HSPG2: variants seen among roughly 807,000 people sequenced by gnomAD.
The protein encoded by HSPG2 is heparan sulfate proteoglycan 2.
Under a neutral mutation model 526.6 loss-of-function variants are expected in HSPG2, and 278 were observed. The observed-to-expected ratio is 0.53, with a 90% CI of 0.48 to 0.58. The LOEUF (loss-of-function observed/expected upper bound fraction) is 0.58, where lower values mean the gene tolerates loss of function less well. Ranked by LOEUF, HSPG2 falls within the 20% of genes least tolerant of loss-of-function variation. The probability of loss-of-function intolerance (pLI) is 0.00; values close to 1 mark genes in which losing one functional copy is unlikely to be tolerated. For missense variants in HSPG2, 5,354 were observed against 6,099.5 expected (o/e 0.88, Z 4.07); for synonymous variants, 2,465 against 2,555.4 (o/e 0.96, Z 1.07).
rs1440810026 is a variant in HSPG2 at position 21,847,285 on chromosome 1, C to T, written c.8164+69G>A. Reference sequence around the variant, plus strand: ...GTACCACCAGGTCTGAGGACTCTGACCTGAAAGTTCCTTCTCCCCAGGGAA... The same window carrying T: ...GTACCACCAGGTCTGAGGACTCTGATCTGAAAGTTCCTTCTCCCCAGGGAA... On this transcript the variant is annotated intron_variant, in intron 62 of 96. Transcript: ENST00000374695. This position sits in a 1 kb window ranked among gnomAD's most constrained non-coding sequence, Gnocchi z 4.1. The T allele has an allele frequency of 2.6e-5, 42 of 1,589,450 alleles. No individual in the cohort carries two copies. Among genetic ancestry groups the T allele is most frequent in the Non-Finnish European group, 3.6e-5 (42 of 1,159,598 alleles).
chr1:21,878,076 T>C (rs553661807), intron 21 of HSPG2, 110 bp downstream of exon 21: 3 of 1,003,862 alleles, frequency 3.0e-6, no homozygotes, highest in Admixed American at 4.2e-5. Context: ...CTGACTGGGT[T>C]ACCACCCACT....
In HSPG2 at chr1:21,874,606, C is replaced by T. The variant is rs367678569; in HGVS notation, c.3528+10G>A. 1.9e-5 allele frequency: 31 copies of T among 1,613,490 alleles called. No homozygotes were observed. In the Middle Eastern group the frequency reaches 4.9e-4, roughly 26 times the overall value. On this transcript the variant is annotated intron_variant, in intron 27 of 96. Coordinates refer to ENST00000374695, the MANE Select transcript of HSPG2 (RefSeq NM_005529.7). ...ATTGCTGGGGTGGGCGGAAGGAGGGCGGGACTTACCTGGCAGGCACCTGTT... is the reference window on the plus strand; with the variant it reads ...ATTGCTGGGGTGGGCGGAAGGAGGGTGGGACTTACCTGGCAGGCACCTGTT...
chr1:21,914,225 G>A (rs1445730104), intron 1 of HSPG2, among the ~76,000 whole-genome samples: 1 of 152,198 alleles, frequency 6.6e-6, no homozygotes, highest in African/African-American at 2.4e-5. Flanking sequence ...CAAATGGTGA[G>A]AGTGCTGAAA....
In HSPG2 at chr1:21,872,366, G is replaced by A. The variant is rs796608458; in HGVS notation, c.4041C>T (p.His1347=). 8 of 1,572,878 alleles carry A rather than the reference G, an allele frequency of 5.1e-6. No individual in the cohort carries two copies. In the African/African-American group the frequency reaches 9.5e-5, roughly 19 times the overall value. Residue 1347 remains histidine (H), a synonymous_variant, in exon 33 of 97, where the codon CAC becomes CAT. Coordinates refer to ENST00000374695, the MANE Select transcript of HSPG2 (RefSeq NM_005529.7). This position sits in a 1 kb window ranked among gnomAD's most constrained non-coding sequence, Gnocchi z 5.5. The part of the protein sequence containing the change: ...SAYTRHLIST[H]FAPGDFQGFA... ...AGCCTTGGAAGTCCCCAGGGGCAAA[G>A]TGGGTGGAGATCTGGCAGGGGAAAA... is the stretch of plus-strand genomic sequence containing the variant.
chr1:21,890,644 G>A lies in HSPG2; in HGVS notation c.295C>T (p.Gln99Ter). Reference sequence around the variant, plus strand: ...TCTCTGGAGCCTGCATCCTCCAGCTGAGGGCTGTACTCGATGGAGCGAGTG... The same window carrying A: ...TCTCTGGAGCCTGCATCCTCCAGCTAAGGGCTGTACTCGATGGAGCGAGTG... ...NFTRSIEYSP[Q>*]LEDAGSREFR... Residue 99 changes from glutamine to a stop codon, truncating the protein, a stop_gained, in exon 4 of 97, where the codon CAG (glutamine) becomes TAG (stop). Transcript: ENST00000374695. LOFTEE classifies it high-confidence loss of function. The surrounding 1 kb of genome is among the most constrained non-coding windows in gnomAD (Gnocchi z 4.1). 6.2e-7 allele frequency: 1 copy of A among 1,614,090 alleles called. No individual in the cohort carries two copies.
chr1:21,848,714 G>A lies in HSPG2; in HGVS notation c.7666C>T (p.Leu2556=). 6.2e-7 allele frequency: 1 copy of A among 1,613,996 alleles called. No individual in the cohort carries two copies. Among genetic ancestry groups the A allele is most frequent in the Non-Finnish European group, 8.5e-7 (1 of 1,179,992 alleles). The part of the protein sequence containing the change: ...ANGHTLDLNC[L]VASQAPHTIT... ...GTGTGGGGAGCCTGGCTGGCAACCAGGCAGTTGAGGTCCAGGGTGTGTCCA... is the reference window on the plus strand; with the variant it reads ...GTGTGGGGAGCCTGGCTGGCAACCAAGCAGTTGAGGTCCAGGGTGTGTCCA... The change falls in exon 59 of 97, where the codon CTG becomes TTG. Residue 2556 remains leucine, a synonymous_variant. Coordinates refer to ENST00000374695, the MANE Select transcript of HSPG2 (RefSeq NM_005529.7). This position sits in a 1 kb window ranked among gnomAD's most constrained non-coding sequence, Gnocchi z 4.9.
In HSPG2 at chr1:21,884,657, G is replaced by A. The variant is rs142071466; in HGVS notation, c.1525C>T (p.His509Tyr). Residue 509 changes from histidine (H) to tyrosine (Y), a missense_variant, in exon 13 of 97, where the codon CAC (histidine) becomes TAC (tyrosine). Physicochemically the swap from His to Tyr is moderately conservative, Grantham distance 83. Coordinates refer to ENST00000374695, the MANE Select transcript of HSPG2 (RefSeq NM_005529.7). ...VPQRGPCPDG[H>Y]FYLEHSAACL... is the part of the protein sequence containing the mutation. ...GCGGCGCTGTGCTCCAGGTAGAAGTGGCCGTCAGGGCAGGGGCCTGCTGGG... is the reference window on the plus strand; with the variant it reads ...GCGGCGCTGTGCTCCAGGTAGAAGTAGCCGTCAGGGCAGGGGCCTGCTGGG... The A allele has an allele frequency of 1.2e-3, 1,855 of 1,612,040 alleles. 3 individuals are homozygous for A. The highest frequency in any genetic ancestry group is 1.2e-3 in the Non-Finnish European group (1,386 of 1,179,570).
chr1:21,842,421 C>G, intron 67 of HSPG2, 41 bp from the exon 68 acceptor site: 1 of 1,549,124 alleles, frequency 6.5e-7, no homozygotes, highest in Non-Finnish European at 8.7e-7. Context: ...GGCAAAGTCC[C>G]CAGGACAAGG....
rs776124800 is a variant in HSPG2 at position 21,834,704 on chromosome 1, T to C, written c.10695A>G (p.Gln3565=). The C allele has an allele frequency of 6.2e-7, 1 of 1,614,136 alleles. No individual in the cohort carries two copies. The highest frequency in any genetic ancestry group is 1.1e-5 in the South Asian group (1 of 91,076). The change falls in exon 77 of 97, where the codon CAA becomes CAG. Residue 3565 remains glutamine, a synonymous_variant. Transcript: ENST00000374695. ...CTATNAAGTT[Q]SHVLLLVQAL... is the part of the protein sequence containing the mutation. The stretch of plus-strand genomic sequence containing the variant: ...CTTGCACAAGCAGCAGGACGTGGGA[T>C]TGTGTGGTGCCAGCTGCGTTGGTGG...
At chr1:21,850,332 C>T (rs1252039365) in intron 56 of HSPG2, 31 bp downstream of exon 56, 12 of 1,602,166 alleles carry the variant, frequency 7.5e-6, no homozygotes, top group Non-Finnish European at 1.0e-5. Context: ...ACCCTGGGTC[C>T]CCAGCCCTGC....
intron 76 of HSPG2, 38 bp from the exon 77 acceptor site, chr1:21,834,983 C>A: frequency 6.2e-7 from 1 of 1,605,718 alleles, no homozygotes; most frequent in South Asian, 1.1e-5. Flanking sequence ...TGAGATCAGT[C>A]ACTGCAGGCC....
At chr1:21,849,563 C>T (rs1346107838) in intron 57 of HSPG2, among the ~76,000 whole-genome samples, 2 of 152,174 alleles carry the variant, frequency 1.3e-5, no homozygotes, top group Non-Finnish European at 2.9e-5. Context: ...CTTAGAGGTA[C>T]ATAAAATCAT....
rs1557829126 is a variant in HSPG2 at position 21,917,482 on chromosome 1, T to TAAATAAAA, written c.63+19672_63+19673insTTTTATTT. ...ATAAATAAATAAATAAATAAATAAATAAAAATAAAAGACAGGGCAGAATGG... is the reference window on the plus strand; with the variant it reads ...ATAAATAAATAAATAAATAAATAAATAAATAAAAAAAAATAAAAGACAGGGCAGAATGG... On this transcript the variant is annotated intron_variant, in intron 1 of 96. Transcript: ENST00000374695. Among the ~76,000 whole-genome samples, 5 of 135,032 alleles carry TAAATAAAA rather than the reference T, an allele frequency of 3.7e-5. No individual in the cohort carries two copies. The Admixed American group carries it at 3.8e-4, about 10-fold the overall frequency. The allele number at this position is 135,032 out of a possible 152,430, so 88.6% of individuals were successfully genotyped here.
chr1:21,861,795 C>T lies in HSPG2; in HGVS notation c.4917G>A (p.Thr1639=), dbSNP rs1271021210. ...GGCCAGTGTAGCCGGGTTCGCAGGC[C>T]GTGCAGCGGTACCCGCCGGCTCCCA... is the stretch of plus-strand genomic sequence containing the variant. ...ESLGAGGYRC[T]ACEPGYTGQY... is the part of the protein sequence containing the mutation. Residue 1639 remains threonine, a synonymous_variant, in exon 39 of 97, where the codon ACG becomes ACA. Coordinates refer to ENST00000374695, the MANE Select transcript of HSPG2 (RefSeq NM_005529.7). 1.7e-5 allele frequency: 27 copies of T among 1,613,830 alleles called. No homozygotes were observed. Among genetic ancestry groups the T allele is most frequent in the East Asian group, 4.5e-5 (2 of 44,896 alleles).
rs757820036 is a variant in HSPG2, at chr1:21,874,002, G to A, written c.3666C>T (p.His1222=). 10 of 1,604,010 alleles carry A rather than the reference G, an allele frequency of 6.2e-6. No homozygotes were observed. Among genetic ancestry groups the A allele is most frequent in the Non-Finnish European group, 6.8e-6 (8 of 1,175,052 alleles). The stretch of plus-strand genomic sequence containing the variant: ...GGCCGTCTGTGTCCAGAAAACAAGT[G>A]TGGGCAGCCCTGAGTGTGGGGGCAG... ...YGDPAAGQAA[H]TCFLDTDGHP... is the part of the protein sequence containing the mutation. The change falls in exon 29 of 97, where the codon CAC becomes CAT. Residue 1222 remains histidine (H), a synonymous_variant. Transcript: ENST00000374695.
Position 21,864,492 on chromosome 1 carries a change from C to T in HSPG2, c.4627-279G>A, listed in dbSNP as rs1432871042. Among the ~76,000 whole-genome samples the T allele has an allele frequency of 6.6e-6, 1 of 152,202 alleles. No individual in the cohort carries two copies. Among genetic ancestry groups the T allele is most frequent in the Non-Finnish European group, 1.5e-5 (1 of 68,030 alleles). Reference sequence around the variant, plus strand: ...TGTCTCTGGTGGGCCCCCTCAAGGGCATGAACTGGGTTTTAACCCCCGGAG... The same window carrying T: ...TGTCTCTGGTGGGCCCCCTCAAGGGTATGAACTGGGTTTTAACCCCCGGAG... On this transcript the variant is annotated intron_variant, in intron 36 of 96. Transcript: ENST00000374695. This position sits in a 1 kb window ranked among gnomAD's most constrained non-coding sequence, Gnocchi z 4.8.
In HSPG2 at chr1:21,839,441, C is replaced by T. The variant is rs761682176; in HGVS notation, c.9819G>A (p.Ser3273=). ...TAGTGGCATTGCAGATGTACTGGCC[C>T]GAGTCCTGCTGGGCTACCCGGGGTA... The part of the protein sequence containing the change: ...LIIPRVAQQD[S]GQYICNATSP... Residue 3273 remains serine, a synonymous_variant, in exon 73 of 97, where the codon TCG becomes TCA. Transcript: ENST00000374695. This position sits in a 1 kb window ranked among gnomAD's most constrained non-coding sequence, Gnocchi z 4.5. 1.1e-5 allele frequency: 17 copies of T among 1,613,910 alleles called. No individual in the cohort carries two copies. Among genetic ancestry groups the T allele is most frequent in the African/African-American group, 1.3e-5 (1 of 74,916 alleles).
Position 21,887,583 on chromosome 1 carries a change from C to T in HSPG2, c.795G>A (p.Gln265=). 1 of 1,614,082 alleles carries T rather than the reference C, an allele frequency of 6.2e-7. No homozygotes were observed. The highest frequency in any genetic ancestry group is 1.1e-5 in the South Asian group (1 of 91,078). ...PPRPETTIMR[Q]PPVTHAPQPL... is the part of the protein sequence containing the mutation. ...GCTGAGGAGCGTGGGTGACTGGTGG[C>T]TGTCGCATGATGGTTGTCTCTGGCC... Residue 265 remains glutamine, a synonymous_variant, in exon 8 of 97, where the codon CAG becomes CAA. Coordinates refer to ENST00000374695, the MANE Select transcript of HSPG2 (RefSeq NM_005529.7). This position sits in a 1 kb window ranked among gnomAD's most constrained non-coding sequence, Gnocchi z 5.0.
At chr1:21,869,441 C>G (rs1640481684) in intron 33 of HSPG2, 1 of 985,704 alleles carries the variant, frequency 1.0e-6, no homozygotes, top group Non-Finnish European at 1.2e-6. Flanking sequence ...GGTGGGGATC[C>G]CTTGATGGGC....
Sources: allele counts gnomAD v4.1 joint callset (sites outside exome capture counted in the v4.1 genomes callset), GRCh38; gene constraint gnomAD v4.1.1; non-coding constraint Gnocchi (gnomAD v3.1); transcripts MANE v1.5; gene names NCBI Gene and HGNC (gene_info 2026-07-23, HGNC 2026-07-21).